The following FSD2 variants were observed in gnomAD, a reference collection of about 807,000 sequenced individuals.
FSD2 encodes the protein fibronectin type III and SPRY domain-containing protein 2.
A neutral mutation model predicts 80.4 loss-of-function variants in FSD2; 71 were observed. That is an observed-to-expected ratio of 0.88 (90% CI 0.73 to 1.08). The LOEUF (loss-of-function observed/expected upper bound fraction) is 1.08. FSD2 is among the 50% of genes least tolerant of loss of function. The probability of loss-of-function intolerance (pLI) is 0.00; values close to 1 mark genes in which losing one functional copy is unlikely to be tolerated. For synonymous variants in FSD2, 361 were observed against 329.5 expected (o/e 1.10, Z -1.03); for missense variants, 923 against 913.8 (o/e 1.01, Z -0.13).
At chr15:82,777,900 C>A (rs1807919472) in intron 6 of FSD2, among the ~76,000 whole-genome samples, 1 of 147,482 alleles carries the variant, frequency 6.8e-6, no homozygotes, top group African/African-American at 2.5e-5. Context: ...ATGTGGAGAA[C>A]TGGAACCCTT....
intron 1 of FSD2, among the ~76,000 whole-genome samples, chr15:82,794,013 CTTA>C (rs1375398688): frequency 1.3e-5 from 2 of 151,758 alleles, no homozygotes; most frequent in East Asian, 3.9e-4. Context: ...CACTCTAATA[CTTA>C]TTATTTCCTT....
intron 7 of FSD2, among the ~76,000 whole-genome samples, chr15:82,771,549 G>C (rs1263581446): frequency 6.6e-6 from 1 of 152,262 alleles, no homozygotes; most frequent in Non-Finnish European, 1.5e-5. Flanking sequence ...GCTGCCCAGA[G>C]TGGAGGCCGG....
rs373178732 is a variant in FSD2, at chr15:82,786,951, C to T, written c.440G>A (p.Arg147Gln). Residue 147 changes from arginine to glutamine, a missense_variant, in exon 2 of 13, where the codon CGG becomes CAG. Physicochemically the swap from Arg to Gln is conservative, Grantham distance 43. Coordinates refer to ENST00000334574, the MANE Select transcript of FSD2 (RefSeq NM_001007122.4). ...WGSAGQCQDL[R>Q]EAYRYTHGRA... ...GCCGTGTGTGTACCTATAGGCTTCC[C>T]GCAAGTCCTGGCACTGGCCTGCTGA... 3.6e-5 allele frequency: 58 copies of T among 1,613,888 alleles called. No homozygotes were observed. The highest frequency in any genetic ancestry group is 1.2e-4 in the African/African-American group (9 of 74,932).
At chr15:82,763,000 ATT>A (rs891290600) in intron 11 of FSD2, among the ~76,000 whole-genome samples, 1 of 152,190 alleles carries the variant, frequency 6.6e-6, no homozygotes, top group Non-Finnish European at 1.5e-5. Context: ...TCAGTTTAAA[ATT>A]TTCTCTCTAC....
intron 6 of FSD2, among the ~76,000 whole-genome samples, chr15:82,776,384 T>C (rs2049713742): frequency 6.6e-6 from 1 of 152,216 alleles, no homozygotes; most frequent in African/African-American, 2.4e-5. Flanking sequence ...TGATCTAGCC[T>C]GGAGAATGTT....
Position 82,772,245 on chromosome 15 carries a change from AAAAAG to A in FSD2, c.1112-22_1112-18del, listed in dbSNP as rs761608228. The A allele has an allele frequency of 6.3e-7, 1 of 1,598,684 alleles. No individual in the cohort carries two copies. On this transcript the variant is annotated intron_variant, in intron 6 of 12. Transcript: ENST00000334574. The stretch of plus-strand genomic sequence containing the variant: ...CAGAAGGAGCTAGGAAAAGAAAAGA[AAAAAG>A]AAGAGGAACCTCTAATAGAGGTGTG...
In FSD2 at chr15:82,762,286, TAG is replaced by T. The variant is rs775010454; in HGVS notation, c.1821-10_1821-9del. 9 of 1,612,574 alleles carry T rather than the reference TAG, an allele frequency of 5.6e-6. No homozygotes were observed. The Admixed American group carries it at 1.5e-4, about 27-fold the overall frequency. ...CCCATGACAGCAACACACCTGGTTT[TAG>T]AAAGTGGAAGCATGTGTGATCTGGG... On this transcript the variant is annotated splice_polypyrimidine_tract_variant and intron_variant, in intron 11 of 12. Transcript: ENST00000334574.
chr15:82,781,598 ATT>A (rs140139554), intron 4 of FSD2, among the ~76,000 whole-genome samples: 109 of 152,314 alleles, frequency 7.2e-4, no homozygotes, highest in African/African-American at 2.4e-3. Context: ...GTCAGATTTA[ATT>A]TGTTTTCAAG....
In FSD2 at chr15:82,757,358, T is replaced by A. The variant is rs1392481506; in HGVS notation, c.*1990A>T. On this transcript the variant is annotated 3_prime_UTR_variant, in exon 13 of 13. Coordinates refer to ENST00000334574, the MANE Select transcript of FSD2 (RefSeq NM_001007122.4). ...TATTTCAGTAGCTGAGAACTTTTTT[T>A]TTTTTTTTTTTTGAGATGGAGTCTT... The A allele has an allele frequency of 6.7e-6, 1 of 149,648 alleles. No homozygotes were observed. Among genetic ancestry groups the A allele is most frequent in the East Asian group, 2.0e-4 (1 of 5,120 alleles). 9.3% of individuals were successfully genotyped at this position (149,648 alleles called of 1,614,324 possible).
intron 1 of FSD2, among the ~76,000 whole-genome samples, chr15:82,804,151 T>A (rs2050476655): frequency 2.0e-5 from 3 of 152,056 alleles, no homozygotes; most frequent in African/African-American, 7.2e-5. Flanking sequence ...CAGTGTGGAA[T>A]CATCCATGGC....
At chr15:82,780,224 A>G (rs553327847) in intron 5 of FSD2, 21 bp downstream of exon 5, 5 of 1,484,544 alleles carry the variant, frequency 3.4e-6, no homozygotes, top group South Asian at 2.7e-5. Flanking sequence ...AAAGAAATAC[A>G]TACTAGAACA....
At chr15:82,769,632 G>T in intron 8 of FSD2, 118 bp downstream of exon 8, 1 of 1,226,656 alleles carries the variant, frequency 8.2e-7, no homozygotes, top group Non-Finnish European at 1.1e-6. Context: ...AGAAAAAAAT[G>T]TACACAGCTC....
At position 82,756,852 on chromosome 15, in the gene FSD2, C is replaced by T. The variant is rs1434626916; in HGVS notation, c.*2496G>A. On this transcript the variant is annotated 3_prime_UTR_variant, in exon 13 of 13. Transcript: ENST00000334574. ...AACTGTCCAGTGTTAGGGATTGTGGCTACAGTGGTCTAATTTTTAAAAACT... is the reference window on the plus strand; with the variant it reads ...AACTGTCCAGTGTTAGGGATTGTGGTTACAGTGGTCTAATTTTTAAAAACT... 6.6e-6 allele frequency: 1 copy of T among 152,204 alleles called. No homozygotes were observed. The highest frequency in any genetic ancestry group is 1.5e-5 in the Non-Finnish European group (1 of 68,042). 9.4% of individuals were successfully genotyped at this position (152,204 alleles called of 1,614,324 possible).
chr15:82,775,100 A>G (rs2049683577), intron 6 of FSD2, among the ~76,000 whole-genome samples: 1 of 151,670 alleles, frequency 6.6e-6, no homozygotes, highest in African/African-American at 2.4e-5. Context: ...GTTTTCTACA[A>G]TAAAATCATA....
chr15:82,764,425 T>TC (rs1299467290), intron 11 of FSD2, among the ~76,000 whole-genome samples: 1 of 150,126 alleles, frequency 6.7e-6, no homozygotes, highest in Non-Finnish European at 1.5e-5. Context: ...CTTGGCCCAC[T>TC]CCCACCCTGT....
At chr15:82,782,104 T>TAATAATAATAATAATAAAA (rs749972634) in intron 4 of FSD2, among the ~76,000 whole-genome samples, 11 of 118,906 alleles carry the variant, frequency 9.3e-5, no homozygotes, top group African/African-American at 3.4e-4. Context: ...ATAATAATAA[T>TAATAATAATAATAATAAAA]AAAACTCTTG....
At chr15:82,796,000 C>CTT (rs143711664) in intron 1 of FSD2, among the ~76,000 whole-genome samples, 11 of 117,494 alleles carry the variant, frequency 9.4e-5, no homozygotes, top group South Asian at 5.6e-4. Context: ...TTTTTCTTTT[C>CTT]TTTTTTTTTT....
At chr15:82,793,180 C>T (rs756654900) in intron 1 of FSD2, among the ~76,000 whole-genome samples, 1 of 152,044 alleles carries the variant, frequency 6.6e-6, no homozygotes, top group Non-Finnish European at 1.5e-5. Flanking sequence ...ACTGCAACCT[C>T]CACCTCCCAG....
At chr15:82,799,704 C>T (rs535521029) in intron 1 of FSD2, among the ~76,000 whole-genome samples, 1 of 152,328 alleles carries the variant, frequency 6.6e-6, no homozygotes, top group East Asian at 1.9e-4. Context: ...GGTGTCCTCC[C>T]ACCAGCCCTG....
Sources: allele counts gnomAD v4.1 joint callset (sites outside exome capture counted in the v4.1 genomes callset), GRCh38; gene constraint gnomAD v4.1.1; transcripts MANE v1.5; gene names NCBI Gene and HGNC (gene_info 2026-07-23, HGNC 2026-07-21).